PCSK6: variants seen among roughly 807,000 people sequenced by gnomAD.
PCSK6 encodes proprotein convertase subtilisin/kexin type 6, also known as paired basic amino acid cleaving enzyme 4.
PCSK6 carries 85 observed loss-of-function variants against 123.3 expected under a neutral mutation model. The observed-to-expected ratio is 0.69, with a 90% CI of 0.58 to 0.83. The LOEUF is 0.83. Ranked by LOEUF, PCSK6 falls within the 40% of genes least tolerant of loss-of-function variation. The probability of loss-of-function intolerance (pLI) is 0.00; values close to 1 mark genes in which losing one functional copy is unlikely to be tolerated. For missense variants in PCSK6, 1,191 were observed against 1,282.3 expected, an observed-to-expected ratio of 0.93 and a Z score of 1.09; for synonymous variants, 508 against 516.0, an observed-to-expected ratio of 0.98 and a Z score of 0.21.
intron 12 of PCSK6, among the ~76,000 whole-genome samples, chr15:101,370,095 T>C (rs1180312201): frequency 1.3e-5 from 2 of 152,230 alleles, no homozygotes; most frequent in African/African-American, 4.8e-5. Context: ...CACTTCTCTC[T>C]GAAAAGGAAA....
chr15:101,313,217 C>T (rs770895659), intron 20 of PCSK6, 159 bp downstream of exon 20: 62 of 1,539,944 alleles, frequency 4.0e-5, no homozygotes, highest in Middle Eastern at 3.4e-4. Context: ...AACAAAGGGA[C>T]GAAGGCCCCT....
Position 101,398,568 on chromosome 15 carries a change from T to C in PCSK6, c.832A>G (p.Met278Val), listed in dbSNP as rs2042489176. 3.1e-6 allele frequency: 5 copies of C among 1,611,534 alleles called. No individual in the cohort carries two copies. Among genetic ancestry groups the C allele is most frequent in the Non-Finnish European group, 3.4e-6 (4 of 1,178,654 alleles). Reference protein sequence around the residue: ...AYNAKIGGIRMLDGDVTDVVE... With the variant: ...AYNAKIGGIRVLDGDVTDVVE... Reference sequence around the variant, plus strand: ...ACATCTGTGACATCGCCGTCCAGCATGCGGATGCCTGAAAGCACAGAGGAG... The same window carrying C: ...ACATCTGTGACATCGCCGTCCAGCACGCGGATGCCTGAAAGCACAGAGGAG... Residue 278 changes from methionine (M) to valine (V), a missense_variant, in exon 7 of 22, where the codon ATG (methionine) becomes GTG (valine). By Grantham distance (21) the Met-to-Val change is conservative. This residue lies in a region of PCSK6 where 357 missense variants were observed against 484.5 expected (regional missense o/e 0.74). Coordinates refer to ENST00000611716, the MANE Select transcript of PCSK6 (RefSeq NM_002570.5). The surrounding 1 kb of genome is among the most constrained non-coding windows in gnomAD (Gnocchi z 4.6).
chr15:101,410,617 T>G (rs779839939), intron 6 of PCSK6, among the ~76,000 whole-genome samples: 11 of 152,154 alleles, frequency 7.2e-5, no homozygotes, highest in Non-Finnish European at 1.3e-4. Flanking sequence ...AGTCAAGAAG[T>G]ATACAGTTAT....
intron 6 of PCSK6, among the ~76,000 whole-genome samples, chr15:101,418,008 G>T (rs570978642): frequency 7.4e-4 from 113 of 152,106 alleles, no homozygotes; most frequent in African/African-American, 2.6e-3. Flanking sequence ...AAAAAGAGGA[G>T]ATGTCACAAA....
intron 6 of PCSK6, among the ~76,000 whole-genome samples, chr15:101,411,338 G>T (rs1460319896): frequency 1.3e-5 from 2 of 152,126 alleles, no homozygotes; most frequent in Non-Finnish European, 2.9e-5. Context: ...TCATCTTGAG[G>T]CTGGTGCAGT....
At chr15:101,384,292 C>T (rs2041995120) in intron 10 of PCSK6, 30 bp downstream of exon 10, 2 of 1,609,504 alleles carry the variant, frequency 1.2e-6, no homozygotes, top group Admixed American at 1.7e-5. Flanking sequence ...CAGGGCCACC[C>T]AATGGTCCAC....
chr15:101,329,327 T>C (rs1229105434), intron 15 of PCSK6, among the ~76,000 whole-genome samples: 2 of 152,344 alleles, frequency 1.3e-5, no homozygotes, highest in East Asian at 1.9e-4. Flanking sequence ...ACAGGAGAGT[T>C]TGGTATCACC....
chr15:101,486,327 C>T (rs532817947), intron 1 of PCSK6, among the ~76,000 whole-genome samples: 2 of 152,276 alleles, frequency 1.3e-5, no homozygotes, highest in South Asian at 2.1e-4. Flanking sequence ...TTTTAAAAGA[C>T]CTATTTCAAC....
intron 13 of PCSK6, among the ~76,000 whole-genome samples, chr15:101,332,541 A>T (rs2040393832): frequency 6.6e-6 from 1 of 152,104 alleles, no homozygotes; most frequent in African/African-American, 2.4e-5. Context: ...TCATGGGAAG[A>T]CTCAGTCTTG....
chr15:101,343,659 T>G (rs1177155917), intron 13 of PCSK6, among the ~76,000 whole-genome samples: 1 of 152,254 alleles, frequency 6.6e-6, no homozygotes, highest in Non-Finnish European at 1.5e-5. Context: ...CTAATTATCT[T>G]TTTGATTTTG....
chr15:101,481,669 A>G (rs1039654345), intron 1 of PCSK6, among the ~76,000 whole-genome samples: 9 of 152,124 alleles, frequency 5.9e-5, no homozygotes, highest in Non-Finnish European at 1.3e-4. Context: ...GGAGCACGGG[A>G]GCAGGAGGAG....
intron 12 of PCSK6, 63 bp from the exon 13 acceptor site, chr15:101,366,395 C>A: frequency 1.3e-6 from 2 of 1,540,122 alleles, no homozygotes; most frequent in South Asian, 1.2e-5. Context: ...GGCGGAGGGG[C>A]TGGCACAAGC....
At chr15:101,421,864 T>C (rs1027864536) in intron 6 of PCSK6, among the ~76,000 whole-genome samples, 6 of 152,242 alleles carry the variant, frequency 3.9e-5, no homozygotes, top group Non-Finnish European at 7.3e-5. Flanking sequence ...CACAATCTAA[T>C]TGATAACTAT....
intron 1 of PCSK6, among the ~76,000 whole-genome samples, chr15:101,482,487 G>T (rs1246418934): frequency 6.6e-6 from 1 of 152,208 alleles, no homozygotes; most frequent in Non-Finnish European, 1.5e-5. Context: ...AGCTGCAGAA[G>T]ATCAGAGGAA....
intron 13 of PCSK6, among the ~76,000 whole-genome samples, chr15:101,355,372 T>C (rs921464105): frequency 5.9e-5 from 9 of 152,220 alleles, no homozygotes; most frequent in Non-Finnish European, 1.2e-4. Flanking sequence ...TATTTAGACA[T>C]TGATGTCTCA....
At chr15:101,335,824 C>T (rs547538813) in intron 13 of PCSK6, among the ~76,000 whole-genome samples, 77 of 152,304 alleles carry the variant, frequency 5.1e-4, no homozygotes, top group African/African-American at 1.8e-3. Context: ...ATAGAGTGTG[C>T]TTACACAAAC....
intron 15 of PCSK6, among the ~76,000 whole-genome samples, chr15:101,330,402 C>T (rs2040350255): frequency 6.6e-6 from 1 of 152,244 alleles, no homozygotes; most frequent in Admixed American, 6.5e-5. Context: ...TGCACCATGA[C>T]CATGGCCGGC....
At chr15:101,359,759 A>C (rs2041157074) in intron 13 of PCSK6, among the ~76,000 whole-genome samples, 1 of 152,266 alleles carries the variant, frequency 6.6e-6, no homozygotes, top group Non-Finnish European at 1.5e-5. Flanking sequence ...AAGCTCGCTC[A>C]GCACCCACAC....
intron 1 of PCSK6, among the ~76,000 whole-genome samples, chr15:101,456,311 G>A (rs1342167193): frequency 6.6e-6 from 1 of 152,204 alleles, no homozygotes; most frequent in African/African-American, 2.4e-5. Context: ...GAGACTCTGT[G>A]CAGTCACCGT....
Sources: gnomAD v4.1 joint callset for allele counts (sites outside exome capture counted in the v4.1 genomes callset) on GRCh38, gnomAD v4.1.1 for gene constraint, gnomAD v4.1.1 regional missense constraint, Gnocchi (gnomAD v3.1) non-coding constraint, MANE v1.5 for transcripts, NCBI Gene and HGNC (gene_info 2026-07-23, HGNC 2026-07-21) for gene names.